Variants in HECW1 observed in about 807,000 individuals in gnomAD.
HECW1 encodes the protein E3 ubiquitin-protein ligase HECW1.
In HECW1, 61 loss-of-function variants were observed where a neutral mutation model predicts 182.3. The observed-to-expected ratio is 0.33, with a 90% CI of 0.27 to 0.41. The LOEUF is 0.41. Ranked by LOEUF, HECW1 falls within the 10% of genes least tolerant of loss-of-function variation. The pLI is 1.00. For missense variants in HECW1, 1,739 were observed against 2,108.9 expected (o/e 0.82, Z 3.44); for synonymous variants, 859 against 832.6 (o/e 1.03, Z -0.55).
intron 20 of HECW1, 30 bp from the exon 21 acceptor site, chr7:43,501,183 C>CTTTTTT (rs567367189): frequency 9.9e-4 from 738 of 746,256 alleles, no homozygotes; most frequent in South Asian, 3.0e-3. Context: ...TCTTTTCTTT[C>CTTTTTT]TTTTTTTTTT....
At chr7:43,485,547 A>G (rs1299170479) in intron 17 of HECW1, among the ~76,000 whole-genome samples, 1 of 152,184 alleles carries the variant, frequency 6.6e-6, no homozygotes, top group African/African-American at 2.4e-5. Flanking sequence ...CCTACCACAC[A>G]CCTAGGCTGT....
intron 2 of HECW1, among the ~76,000 whole-genome samples, chr7:43,182,653 A>G (rs1792980137): frequency 1.3e-5 from 2 of 152,288 alleles, no homozygotes; most frequent in Admixed American, 6.5e-5. Context: ...TTGTGGTTTC[A>G]TACAAATTTT....
intron 3 of HECW1, among the ~76,000 whole-genome samples, chr7:43,271,934 C>A (rs1482850210): frequency 6.6e-6 from 1 of 152,042 alleles, no homozygotes; most frequent in South Asian, 2.1e-4. Flanking sequence ...CATCACATTA[C>A]CTGACTTCAA....
intron 19 of HECW1, 60 bp downstream of exon 19, chr7:43,493,240 G>A: frequency 1.8e-6 from 2 of 1,088,906 alleles, no homozygotes; most frequent in African/African-American, 1.6e-5. Flanking sequence ...TTCCCGGTGG[G>A]AAAACACCTC....
rs564637982 is a variant in HECW1 at position 43,372,907 on chromosome 7, A to T, written c.555+11927A>T. 6.6e-5 allele frequency among the ~76,000 whole-genome samples: 10 copies of T among 152,216 alleles called. 1 individual carries two copies. The South Asian group carries it at 2.1e-3, about 32-fold the overall frequency. The stretch of plus-strand genomic sequence containing the variant: ...GTCAGACGCTCATCAAGTGATATAG[A>T]TGCCTGTTTAGTCTACCCATCAACC... On this transcript the variant is annotated intron_variant, in intron 6 of 29. Coordinates refer to ENST00000395891, the MANE Select transcript of HECW1 (RefSeq NM_015052.5).
At chr7:43,263,089 A>G (rs906963917) in intron 3 of HECW1, among the ~76,000 whole-genome samples, 1 of 152,208 alleles carries the variant, frequency 6.6e-6, no homozygotes, top group Non-Finnish European at 1.5e-5. Flanking sequence ...ATTTTCCGCA[A>G]TTACTTACCT....
Position 43,114,145 on chromosome 7 carries a change from C to T in HECW1, c.-266-12C>T, listed in dbSNP as rs1784859696. ...AATTCTCCCCTTGTTTTCCCCCCTT[C>T]TCTTTGAAAAGATATCAATGCTATG... On this transcript the variant is annotated splice_polypyrimidine_tract_variant and intron_variant, in intron 1 of 29. Transcript: ENST00000395891. 8.7e-6 allele frequency: 8 copies of T among 918,506 alleles called. No homozygotes were observed. Among genetic ancestry groups the T allele is most frequent in the Middle Eastern group, 4.2e-4 (1 of 2,390 alleles). 56.9% of individuals were successfully genotyped at this position (918,506 alleles called of 1,614,324 possible).
At chr7:43,303,353 T>G in intron 3 of HECW1, among the ~76,000 whole-genome samples, 1 of 124,012 alleles carries the variant, frequency 8.1e-6, no homozygotes. Flanking sequence ...CCCCAACACC[T>G]GCCATCAAAG....
At chr7:43,470,651 A>G (rs1366886643) in intron 16 of HECW1, among the ~76,000 whole-genome samples, 1 of 152,234 alleles carries the variant, frequency 6.6e-6, no homozygotes, top group Non-Finnish European at 1.5e-5. Context: ...TAGCAAGAAG[A>G]TATCATACAT....
chr7:43,551,609 T>G (rs534734822), intron 27 of HECW1, among the ~76,000 whole-genome samples: 11 of 152,288 alleles, frequency 7.2e-5, no homozygotes, highest in Admixed American at 4.6e-4. Context: ...CTTAAGAAAG[T>G]CGAGTCAGAT....
chr7:43,320,756 C>T lies in HECW1; in HGVS notation c.460+14C>T, dbSNP rs1309502427. On this transcript the variant is annotated intron_variant, in intron 5 of 29. Transcript: ENST00000395891. ...ACTTTGTGGAACGTGAGTACCTTTACCATTCTTGTGGCTTGGCAGACATGG... is the reference window on the plus strand; with the variant it reads ...ACTTTGTGGAACGTGAGTACCTTTATCATTCTTGTGGCTTGGCAGACATGG... 1.9e-6 allele frequency: 3 copies of T among 1,583,554 alleles called. No individual in the cohort carries two copies. The highest frequency in any genetic ancestry group is 3.3e-5 in the Admixed American group (2 of 59,972).
intron 6 of HECW1, among the ~76,000 whole-genome samples, chr7:43,378,523 G>A (rs73099584): frequency 0.024 from 3,729 of 152,302 alleles, 127 homozygotes; most frequent in African/African-American, 0.077. Context: ...TGGCACTTTC[G>A]GCCAGGCATG....
chr7:43,198,177 TCA>T (rs996810425), intron 2 of HECW1, among the ~76,000 whole-genome samples: 8 of 127,574 alleles, frequency 6.3e-5, no homozygotes, highest in South Asian at 5.5e-4. Flanking sequence ...CACCCCACAT[TCA>T]CACACACAGC....
intron 8 of HECW1, among the ~76,000 whole-genome samples, chr7:43,409,819 G>T (rs2075738204): frequency 1.3e-5 from 2 of 152,208 alleles, no homozygotes; most frequent in African/African-American, 4.8e-5. Flanking sequence ...CCCCTAAATT[G>T]TACTACAGTT....
At chr7:43,522,054 G>A (rs895479071) in intron 24 of HECW1, among the ~76,000 whole-genome samples, 1 of 152,216 alleles carries the variant, frequency 6.6e-6, no homozygotes, top group Non-Finnish European at 1.5e-5. Context: ...CTTAGAAGCA[G>A]AGAACAAGGC....
chr7:43,529,556 C>T (rs1042742585), intron 24 of HECW1, among the ~76,000 whole-genome samples: 1 of 152,212 alleles, frequency 6.6e-6, no homozygotes, highest in African/African-American at 2.4e-5. Flanking sequence ...TCCCAAAAGC[C>T]TCCATCAACC....
chr7:43,333,949 T>TA (rs1811809305), intron 5 of HECW1, among the ~76,000 whole-genome samples: 1 of 152,200 alleles, frequency 6.6e-6, no homozygotes, highest in African/African-American at 2.4e-5. Context: ...CCAACCAGTT[T>TA]AGCAACTCCT....
Position 43,371,153 on chromosome 7 carries a change from C to T in HECW1, c.555+10173C>T, listed in dbSNP as rs1817312457. On this transcript the variant is annotated intron_variant, in intron 6 of 29. Coordinates refer to ENST00000395891, the MANE Select transcript of HECW1 (RefSeq NM_015052.5). ...CCACCCGCCTCGGCCTCCCAAAGTG[C>T]TGGGATTACAGGCGTGAGCCACCAC... Among the ~76,000 whole-genome samples the T allele has an allele frequency of 2.0e-5, 3 of 152,286 alleles. No homozygotes were observed. In the South Asian group the frequency reaches 6.2e-4, roughly 32 times the overall value.
rs1002098899 is a variant in HECW1, at chr7:43,112,848, C to T, written c.-356C>T. ...TCCCCTCCCCAGCCAGTCCCAGGCG[C>T]CCGGTGCACTATGCGGGGCACGTGC... On this transcript the variant is annotated 5_prime_UTR_variant, in exon 1 of 30. Transcript: ENST00000395891. 1.3e-5 allele frequency: 3 copies of T among 227,032 alleles called. No homozygotes were observed. Among genetic ancestry groups the T allele is most frequent in the African/African-American group, 2.2e-5 (1 of 44,922 alleles). The allele number at this position is 227,032 out of a possible 1,614,324, so 14.1% of individuals were successfully genotyped here.
Sources: gnomAD v4.1 joint callset for allele counts (sites outside exome capture counted in the v4.1 genomes callset) on GRCh38, gnomAD v4.1.1 for gene constraint, MANE v1.5 for transcripts, NCBI Gene and HGNC (gene_info 2026-07-23, HGNC 2026-07-21) for gene names.